IL1RAPL1: variants seen among roughly 807,000 people sequenced by gnomAD.
The protein encoded by IL1RAPL1 is interleukin-1 receptor accessory protein-like 1.
A neutral mutation model predicts 48.4 loss-of-function variants in IL1RAPL1; 3 were observed. The observed-to-expected ratio is 0.06, with a 90% CI of 0.03 to 0.16. The LOEUF is 0.16. Ranked by LOEUF, IL1RAPL1 falls within the 10% of genes least tolerant of loss-of-function variation. IL1RAPL1 has a pLI of 1.00. For synonymous variants in IL1RAPL1, 185 were observed against 187.7 expected (o/e 0.99, Z 0.12); for missense variants, 349 against 530.6 (o/e 0.66, Z 3.36).
intron 5 of IL1RAPL1, among the ~76,000 whole-genome samples, chrX:29,660,133 G>A (rs956441079): frequency 1.5e-4 from 17 of 111,385 alleles, no homozygotes; most frequent in African/African-American, 4.9e-4. Flanking sequence ...CAGCAAGAGG[G>A]AAGTCCGCCC....
Position 29,081,016 on chromosome X carries a change from C to CTTT in IL1RAPL1, c.83-201921_83-201920insTTT, listed in dbSNP as rs1360869206. On this transcript the variant is annotated intron_variant, in intron 2 of 10. Transcript: ENST00000378993. ...TCTTTCTCTCTCTCTCTCTCTCTCTCTCTCTTTCTTTTCTTTTCTTTTCTT... is the reference window on the plus strand; with the variant it reads ...TCTTTCTCTCTCTCTCTCTCTCTCTCTTTTCTCTTTCTTTTCTTTTCTTTTCTT... 6.4e-3 allele frequency among the ~76,000 whole-genome samples: 345 copies of CTTT among 54,312 alleles called. 1 individual carries two copies. The highest frequency in any genetic ancestry group is 0.013 in the South Asian group (11 of 822). The allele number at this position is 54,312 out of a possible 115,157, so 47.2% of individuals were successfully genotyped here. A position where few individuals can be genotyped will look rare whatever the true frequency, so the allele number is the denominator to read the frequency against.
rs373444115 is a variant in IL1RAPL1 at position 29,352,216 on chromosome X, T to C, written c.363-44042T>C. Among the ~76,000 whole-genome samples the C allele has an allele frequency of 1.3e-4, 14 of 111,727 alleles. No individual in the cohort carries two copies. In the South Asian group the frequency reaches 5.3e-3, roughly 42 times the overall value. ...GCAATAGCTGCTCTCTGCTCTTTCA[T>C]ATGATTCTTGCTGTAGGTACTGTAT... On this transcript the variant is annotated intron_variant, in intron 3 of 10. Transcript: ENST00000378993.
chrX:28,890,598 A>G (rs1205590444), intron 2 of IL1RAPL1, among the ~76,000 whole-genome samples: 2 of 112,040 alleles, frequency 1.8e-5, no homozygotes, highest in Non-Finnish European at 3.8e-5. Flanking sequence ...ATAACTTTGA[A>G]CAACACATTT....
intron 6 of IL1RAPL1, among the ~76,000 whole-genome samples, chrX:29,871,042 G>C (rs1931789226): frequency 8.9e-6 from 1 of 112,322 alleles, no homozygotes; most frequent in East Asian, 2.8e-4. Flanking sequence ...GAAGCTCTAG[G>C]AAGAGTCCAT....
rs759507856 is a variant in IL1RAPL1, at chrX:28,908,711, T to C, written c.82+119286T>C. Among the ~76,000 whole-genome samples, 12 of 111,932 alleles carry C rather than the reference T, an allele frequency of 1.1e-4. No individual in the cohort carries two copies. The South Asian group carries it at 4.1e-3, about 38-fold the overall frequency. ...TAAATGTCGAATATATCAAGTTAAT[T>C]GATGATGCTGTTCAGTTCAACTGTA... On this transcript the variant is annotated intron_variant, in intron 2 of 10. Coordinates refer to ENST00000378993, the MANE Select transcript of IL1RAPL1 (RefSeq NM_014271.4).
At chrX:29,086,870 T>C (rs142007367) in intron 2 of IL1RAPL1, among the ~76,000 whole-genome samples, 1 of 111,973 alleles carries the variant, frequency 8.9e-6, no homozygotes, top group Admixed American at 9.5e-5. Context: ...GTTTGAAAAT[T>C]TATTCTGACT....
intron 6 of IL1RAPL1, among the ~76,000 whole-genome samples, chrX:29,903,842 A>C (rs1282872118): frequency 9.0e-6 from 1 of 111,645 alleles, no homozygotes; most frequent in South Asian, 3.8e-4. Context: ...TTTCTGCCAA[A>C]AAGGAGGCAG....
chrX:29,861,363 T>A (rs1743032594), intron 6 of IL1RAPL1, among the ~76,000 whole-genome samples: 1 of 111,326 alleles, frequency 9.0e-6, no homozygotes, highest in Admixed American at 9.6e-5. Context: ...AAAACTCAGG[T>A]GTCAGTATTT....
At chrX:28,688,905 G>T (rs962959928) in intron 1 of IL1RAPL1, among the ~76,000 whole-genome samples, 1 of 111,238 alleles carries the variant, frequency 9.0e-6, no homozygotes. Context: ...TAGAAAAATA[G>T]CATCTATAAA....
chrX:29,340,515 C>T (rs1353649140), intron 3 of IL1RAPL1, among the ~76,000 whole-genome samples: 1 of 112,202 alleles, frequency 8.9e-6, no homozygotes, highest in African/African-American at 3.2e-5. Context: ...CGTGTATCAA[C>T]ATTTCATTTC....
In IL1RAPL1 at chrX:29,629,483, A is replaced by G. The variant is rs1180757427; in HGVS notation, c.704-38947A>G. 2.7e-5 allele frequency among the ~76,000 whole-genome samples: 3 copies of G among 111,644 alleles called. No individual in the cohort carries two copies. The East Asian group carries it at 8.4e-4, about 31-fold the overall frequency. ...GATTATAAAGTTTGTATTCCATGAGATTTTGCAATTTACTCTTCATTGATA... is the reference window on the plus strand; with the variant it reads ...GATTATAAAGTTTGTATTCCATGAGGTTTTGCAATTTACTCTTCATTGATA... On this transcript the variant is annotated intron_variant, in intron 5 of 10. Coordinates refer to ENST00000378993, the MANE Select transcript of IL1RAPL1 (RefSeq NM_014271.4).
At chrX:29,899,808 C>T (rs972143902) in intron 6 of IL1RAPL1, among the ~76,000 whole-genome samples, 27 of 110,580 alleles carry the variant, frequency 2.4e-4, no homozygotes, top group African/African-American at 5.6e-4. Context: ...CCTCCCAAAG[C>T]GCTGGGATTA....
At chrX:29,548,347 T>C (rs763939520) in intron 5 of IL1RAPL1, among the ~76,000 whole-genome samples, 2 of 112,528 alleles carry the variant, frequency 1.8e-5, no homozygotes. Context: ...ATTTTCTTTT[T>C]ACCTGAAGAT....
At chrX:28,712,297 C>T (rs1347940182) in intron 1 of IL1RAPL1, among the ~76,000 whole-genome samples, 1 of 110,245 alleles carries the variant, frequency 9.1e-6, no homozygotes, top group African/African-American at 3.3e-5. Flanking sequence ...TTTCTCTCTG[C>T]CTTGGTGATT....
intron 5 of IL1RAPL1, among the ~76,000 whole-genome samples, chrX:29,616,414 C>T (rs1371387907): frequency 3.7e-5 from 4 of 107,678 alleles, no homozygotes; most frequent in African/African-American, 1.0e-4. Flanking sequence ...GTGCCGTGTT[C>T]GTGTGCTGCA....
At chrX:29,802,976 C>T (rs1188013952) in intron 6 of IL1RAPL1, among the ~76,000 whole-genome samples, 8 of 83,417 alleles carry the variant, frequency 9.6e-5, no homozygotes, top group African/African-American at 3.5e-4. Flanking sequence ...TACATATATA[C>T]ATACATGTGT....
At chrX:29,004,556 A>G (rs751286770) in intron 2 of IL1RAPL1, among the ~76,000 whole-genome samples, 1 of 112,614 alleles carries the variant, frequency 8.9e-6, no homozygotes, top group Non-Finnish European at 1.9e-5. Context: ...TATTTAGTAG[A>G]AACACCAGGA....
chrX:29,424,854 G>A (rs764163660), intron 5 of IL1RAPL1, among the ~76,000 whole-genome samples: 2 of 111,570 alleles, frequency 1.8e-5, no homozygotes, highest in South Asian at 7.5e-4. Flanking sequence ...ATGAAGGAAC[G>A]CACTAATAAA....
intron 6 of IL1RAPL1, among the ~76,000 whole-genome samples, chrX:29,830,792 C>T (rs779752714): frequency 9.0e-6 from 1 of 111,339 alleles, no homozygotes; most frequent in South Asian, 3.8e-4. Context: ...TGGGACTGAA[C>T]CAACCAGTGC....
Sources: gnomAD v4.1 joint callset for allele counts (sites outside exome capture counted in the v4.1 genomes callset) on GRCh38, gnomAD v4.1.1 for gene constraint, MANE v1.5 for transcripts, NCBI Gene and HGNC (gene_info 2026-07-23, HGNC 2026-07-21) for gene names.